Variants in BTD observed in about 807,000 individuals in gnomAD.
BTD encodes the protein biocytinase.
BTD carries 13 observed loss-of-function variants against 17.7 expected under a neutral mutation model. That is an observed-to-expected ratio of 0.74 (90% CI 0.48 to 1.17). BTD has a LOEUF of 1.17. Among genes scored for constraint, BTD ranks in the 50% most tolerant of loss-of-function variants. The probability of loss-of-function intolerance (pLI) is 0.00; values close to 1 mark genes in which losing one functional copy is unlikely to be tolerated. For missense variants in BTD, 674 were observed against 650.4 expected (o/e 1.04, Z -0.39); for synonymous variants, 240 against 245.2 (o/e 0.98, Z 0.20).
chr3:15,676,142 G>A, intron 3 of BTD: 1 of 525,124 alleles, frequency 1.9e-6, no homozygotes, highest in East Asian at 3.1e-5. Flanking sequence ...ATGGGGGCAG[G>A]GAGAGCAGAA....
chr3:15,682,916 C>A (rs2067691648), intron 3 of BTD, among the ~76,000 whole-genome samples: 1 of 152,196 alleles, frequency 6.6e-6, no homozygotes. Context: ...GGCTGAAAAT[C>A]AGACACATTT....
chr3:15,677,570 G>A lies in BTD; in HGVS notation c.400-32490G>A, dbSNP rs779074295. 7 of 1,595,920 alleles carry A rather than the reference G, an allele frequency of 4.4e-6. No homozygotes were observed. In the South Asian group the frequency reaches 7.8e-5, roughly 18 times the overall value. ...CACTGCTAACCAGCATCTCTGGGAG[G>A]AAAAAGTGCATCAATTCTTATGTTT... On this transcript the variant is annotated intron_variant, in intron 3 of 3. Transcript: ENST00000672141.
chr3:15,721,710 C>T (rs1255682676), intron 4 of BTD, among the ~76,000 whole-genome samples: 1 of 152,120 alleles, frequency 6.6e-6, no homozygotes, highest in Non-Finnish European at 1.5e-5. Flanking sequence ...AAAGAGTATG[C>T]TCAAAAATGA....
Position 15,653,402 on chromosome 3 carries a change from A to T in BTD, c.*7914A>T, listed in dbSNP as rs1301028922. ...GGCCTGGAAGGCAAGTCCTTGCCTG[A>T]GACTAAACAGAATCCCAGCAACATA... On this transcript the variant is annotated 3_prime_UTR_variant, in exon 4 of 4. Transcript: ENST00000643237. 1.3e-5 allele frequency among the ~76,000 whole-genome samples: 2 copies of T among 152,248 alleles called. No homozygotes were observed. Among genetic ancestry groups the T allele is most frequent in the East Asian group, 3.8e-4 (2 of 5,202 alleles).
intron 1 of BTD, chr3:15,631,293 C>T: frequency 4.2e-6 from 3 of 708,024 alleles, no homozygotes; most frequent in East Asian, 2.8e-5. Context: ...GCTATTCTCC[C>T]TGACAAGTAA....
At chr3:15,662,384 T>C (rs1166389888) in intron 3 of BTD, among the ~76,000 whole-genome samples, 2 of 152,226 alleles carry the variant, frequency 1.3e-5, no homozygotes, top group Non-Finnish European at 2.9e-5. Flanking sequence ...TAAATAGTAT[T>C]GTGTTTTAAA....
intron 1 of BTD, among the ~76,000 whole-genome samples, chr3:15,603,215 TATC>T (rs2064331528): frequency 6.6e-6 from 1 of 152,158 alleles, no homozygotes; most frequent in Admixed American, 6.5e-5. Flanking sequence ...CCCTCCCAAA[TATC>T]ATATCCTCAC....
intron 3 of BTD, chr3:15,668,474 G>T (rs917062378): frequency 6.6e-6 from 1 of 151,874 alleles, no homozygotes; most frequent in Admixed American, 6.6e-5. Context: ...ATATTATAAA[G>T]AAAAGATGGG....
intron 3 of BTD, chr3:15,695,075 G>T: frequency 1.1e-6 from 1 of 885,856 alleles, no homozygotes; most frequent in Non-Finnish European, 1.8e-6. Context: ...CACCGTCTTT[G>T]TGCCTAATAT....
intron 2 of BTD, among the ~76,000 whole-genome samples, chr3:15,639,531 T>C (rs2065443735): frequency 6.6e-6 from 1 of 152,182 alleles, no homozygotes. Flanking sequence ...TAATGTCCTA[T>C]AGGGCAAAAC....
chr3:15,622,891 T>A (rs1241538374), intron 1 of BTD, among the ~76,000 whole-genome samples: 1 of 152,238 alleles, frequency 6.6e-6, no homozygotes, highest in African/African-American at 2.4e-5. Context: ...AATGACTATG[T>A]TAGTCTGTTT....
Position 15,647,763 on chromosome 3 carries a change from A to C in BTD, c.*2275A>C, listed in dbSNP as rs1280412851. On this transcript the variant is annotated 3_prime_UTR_variant, in exon 4 of 4. Coordinates refer to ENST00000643237, the MANE Select transcript of BTD (RefSeq NM_001370658.1). ...TCAAATGCATTTTTGGCTAAACCAG[A>C]CTTGGGGGAAGTGGCTTGGTTTGCG... 1.3e-5 allele frequency: 2 copies of C among 152,234 alleles called. No homozygotes were observed. The highest frequency in any genetic ancestry group is 2.9e-5 in the Non-Finnish European group (2 of 68,044). The allele number at this position is 152,234 out of a possible 1,614,324, so 9.4% of individuals were successfully genotyped here.
rs34806568 is a variant in BTD, at chr3:15,674,174, CAAAAAAA to C, written c.399+32135_399+32141del. On this transcript the variant is annotated intron_variant, in intron 3 of 3. Coordinates refer to the BTD transcript ENST00000672141. ...GCAACAGAGTGAGACCCTGCCTCTT[CAAAAAAA>C]AAAAAAAAAAAAAAAAAGAAGAAGA... 7.0e-4 allele frequency among the ~76,000 whole-genome samples: 28 copies of C among 40,286 alleles called. No individual in the cohort carries two copies. The East Asian group carries it at 0.015, about 22-fold the overall frequency. 26.4% of individuals were successfully genotyped at this position (40,286 alleles called of 152,430 possible).
At chr3:15,678,464 A>G in intron 3 of BTD, 1 of 975,134 alleles carries the variant, frequency 1.0e-6, no homozygotes. Context: ...ATATTAGGCT[A>G]CAAAAGCACT....
At chr3:15,703,210 C>T (rs745368529) in intron 3 of BTD, among the ~76,000 whole-genome samples, 5 of 152,180 alleles carry the variant, frequency 3.3e-5, no homozygotes, top group Non-Finnish European at 5.9e-5. Context: ...GAATAAATCT[C>T]AGCATTACAA....
At chr3:15,633,608 A>C (rs528908339) in intron 1 of BTD, among the ~76,000 whole-genome samples, 2 of 152,322 alleles carry the variant, frequency 1.3e-5, no homozygotes, top group East Asian at 3.9e-4. Flanking sequence ...AAAGAGATGT[A>C]ATGTGAATGC....
intron 3 of BTD, among the ~76,000 whole-genome samples, chr3:15,692,257 C>A (rs1210594245): frequency 2.6e-5 from 4 of 151,834 alleles, no homozygotes. Flanking sequence ...TTGAGACTAG[C>A]CTGGGCAACA....
chr3:15,654,738 A>ATT (rs60086899), downstream of BTD, among the ~76,000 whole-genome samples: 4 of 140,852 alleles, frequency 2.8e-5, no homozygotes, highest in African/African-American at 7.8e-5. Flanking sequence ...CACTTGGCTA[A>ATT]TTTTTTTTTT....
chr3:15,667,459 T>C (rs2066039455), intron 3 of BTD: 1 of 152,256 alleles, frequency 6.6e-6, no homozygotes, highest in South Asian at 2.1e-4. Context: ...ATGTCATCTT[T>C]TATGTATAAG....
Sources: allele counts gnomAD v4.1 joint callset (sites outside exome capture counted in the v4.1 genomes callset), GRCh38; gene constraint gnomAD v4.1.1; transcripts MANE v1.5; gene names NCBI Gene and HGNC (gene_info 2026-07-23, HGNC 2026-07-21).